The following PDE4D variants were observed in gnomAD, a reference collection of about 807,000 sequenced individuals.
PDE4D encodes 3',5'-cyclic-AMP phosphodiesterase 4D.
PDE4D carries 24 observed loss-of-function variants against 87.4 expected under a neutral mutation model. That is an observed-to-expected ratio of 0.27 (90% CI 0.20 to 0.39). The LOEUF (loss-of-function observed/expected upper bound fraction) is 0.39. Ranked by LOEUF, PDE4D falls within the 10% of genes least tolerant of loss-of-function variation. PDE4D has a pLI of 1.00. For missense variants in PDE4D, 714 were observed against 1,041.0 expected (o/e 0.69, Z 4.32); for synonymous variants, 384 against 383.2 (o/e 1.00, Z -0.02).
At chr5:59,488,106 G>A (rs1056425879) in intron 1 of PDE4D, among the ~76,000 whole-genome samples, 21 of 148,194 alleles carry the variant, frequency 1.4e-4, no homozygotes, top group Admixed American at 2.7e-4. Flanking sequence ...TTTTCACCCC[G>A]GTCACTATTT....
intron 3 of PDE4D, among the ~76,000 whole-genome samples, chr5:59,921,486 T>A (rs550193464): frequency 6.6e-6 from 1 of 152,162 alleles, no homozygotes; most frequent in Non-Finnish European, 1.5e-5. Context: ...AAAAAAAACA[T>A]GGACTATTAA....
intron 1 of PDE4D, among the ~76,000 whole-genome samples, chr5:60,351,105 GA>G (rs1259551723): frequency 6.6e-6 from 1 of 152,106 alleles, no homozygotes; most frequent in African/African-American, 2.4e-5. Context: ...TAGTTTCCTG[GA>G]TCATCCAGAA....
At chr5:59,376,478 G>A (rs2153600580) in intron 1 of PDE4D, among the ~76,000 whole-genome samples, 1 of 152,116 alleles carries the variant, frequency 6.6e-6, no homozygotes, top group South Asian at 2.1e-4. Context: ...AGATAACCAG[G>A]GAGGTGAAAA....
chr5:60,126,773 A>T (rs1199142733), intron 2 of PDE4D, among the ~76,000 whole-genome samples: 1 of 152,186 alleles, frequency 6.6e-6, no homozygotes, highest in Admixed American at 6.6e-5. Context: ...AGATTAAAAA[A>T]CGAGGAGCTG....
chr5:59,384,788 C>T (rs555580443), intron 1 of PDE4D, among the ~76,000 whole-genome samples: 8 of 151,186 alleles, frequency 5.3e-5, no homozygotes, highest in Admixed American at 5.3e-4. Context: ...TCTTGATTTT[C>T]ATTTTTTTAG....
rs554602250 is a variant in PDE4D at position 59,470,959 on chromosome 5, T to G, written c.456-254991A>C. 2.0e-5 allele frequency among the ~76,000 whole-genome samples: 3 copies of G among 152,166 alleles called. No homozygotes were observed. The South Asian group carries it at 6.2e-4, about 32-fold the overall frequency. On this transcript the variant is annotated intron_variant, in intron 1 of 14. Coordinates refer to ENST00000340635, the MANE Select transcript of PDE4D (RefSeq NM_001104631.2). ...TCATCAGAAGCTAAATGGAGCCGAG[T>G]GCAATGGCTCATACCTGGGATCCCA...
At chr5:59,908,222 T>C (rs962158834) in intron 3 of PDE4D, among the ~76,000 whole-genome samples, 1 of 150,226 alleles carries the variant, frequency 6.7e-6, no homozygotes, top group Non-Finnish European at 1.5e-5. Context: ...AAATGAACTA[T>C]GAAGGCAATC....
intron 1 of PDE4D, among the ~76,000 whole-genome samples, chr5:59,283,671 C>T (rs1361055612): frequency 6.6e-6 from 1 of 152,150 alleles, no homozygotes; most frequent in Non-Finnish European, 1.5e-5. Flanking sequence ...CTTTCTCCCA[C>T]TTCCCTGCTA....
chr5:59,412,713 G>A (rs1327384778), intron 1 of PDE4D, among the ~76,000 whole-genome samples: 2 of 152,200 alleles, frequency 1.3e-5, no homozygotes, highest in African/African-American at 4.8e-5. Flanking sequence ...TGCAGAATGA[G>A]TATAAAGCAA....
At chr5:59,616,315 G>C (rs1418384951) in intron 1 of PDE4D, among the ~76,000 whole-genome samples, 1 of 152,094 alleles carries the variant, frequency 6.6e-6, no homozygotes, top group Non-Finnish European at 1.5e-5. Flanking sequence ...ATTTACACTA[G>C]GTTGATTCTT....
intron 2 of PDE4D, chr5:60,127,654 A>G (rs1249537581): frequency 1.7e-6 from 1 of 600,854 alleles, no homozygotes; most frequent in Non-Finnish European, 3.0e-6. Flanking sequence ...AAGGGCCACA[A>G]GAGAAAAATC....
chr5:60,130,149 C>A (rs1184939449), intron 2 of PDE4D, among the ~76,000 whole-genome samples: 2 of 152,176 alleles, frequency 1.3e-5, no homozygotes, highest in Non-Finnish European at 2.9e-5. Flanking sequence ...GCCTTCCCAG[C>A]TTCCAGAACT....
intron 1 of PDE4D, among the ~76,000 whole-genome samples, chr5:59,559,920 C>T (rs1471049001): frequency 1.3e-5 from 2 of 152,150 alleles, no homozygotes; most frequent in Non-Finnish European, 2.9e-5. Flanking sequence ...AAGAAACATG[C>T]CACCCTTTAA....
intron 1 of PDE4D, among the ~76,000 whole-genome samples, chr5:59,322,583 C>T (rs1774905085): frequency 6.6e-6 from 1 of 152,118 alleles, no homozygotes; most frequent in African/African-American, 2.4e-5. Flanking sequence ...AAATCCAATG[C>T]TATCTATATT....
chr5:60,302,010 C>T (rs1053124804), intron 1 of PDE4D, among the ~76,000 whole-genome samples: 1 of 151,954 alleles, frequency 6.6e-6, no homozygotes. Context: ...ACCTTGCATC[C>T]CAGAGATGAA....
intron 1 of PDE4D, among the ~76,000 whole-genome samples, chr5:59,795,966 G>A (rs761839639): frequency 3.3e-4 from 50 of 152,170 alleles, no homozygotes; most frequent in Non-Finnish European, 4.9e-4. Context: ...GGCTATCCAA[G>A]GAGAGAGGCC....
At chr5:59,763,682 T>C (rs6450530) in intron 1 of PDE4D, among the ~76,000 whole-genome samples, 70,300 of 151,972 alleles carry the variant, frequency 0.46, 16,836 homozygotes, top group African/African-American at 0.53. Flanking sequence ...AGAGATTCCA[T>C]TGACTTTGTA....
intron 1 of PDE4D, among the ~76,000 whole-genome samples, chr5:59,830,403 G>A (rs1240040229): frequency 6.6e-6 from 1 of 152,010 alleles, no homozygotes; most frequent in Non-Finnish European, 1.5e-5. Context: ...TTCAAAATTA[G>A]TAATTTCTAA....
intron 3 of PDE4D, among the ~76,000 whole-genome samples, chr5:59,926,901 G>T (rs374404969): frequency 1.4e-4 from 21 of 152,250 alleles, no homozygotes; most frequent in African/African-American, 4.8e-4. Context: ...GCAAAGAAAA[G>T]CCCAGGATCT....
Sources: allele counts gnomAD v4.1 joint callset (sites outside exome capture counted in the v4.1 genomes callset), GRCh38; gene constraint gnomAD v4.1.1; transcripts MANE v1.5; gene names NCBI Gene and HGNC (gene_info 2026-07-23, HGNC 2026-07-21).